MAOA: variants seen among roughly 807,000 people sequenced by gnomAD.
The protein encoded by MAOA is amine oxidase [flavin-containing] A.
MAOA carries 6 observed loss-of-function variants against 42.0 expected under a neutral mutation model. The observed-to-expected ratio is 0.14, with a 90% CI of 0.08 to 0.28. The LOEUF (loss-of-function observed/expected upper bound fraction) is 0.28. MAOA is among the 10% of genes least tolerant of loss of function. The pLI is 1.00. For missense variants in MAOA, 262 were observed against 422.3 expected (o/e 0.62, Z 3.33); for synonymous variants, 140 against 154.0 (o/e 0.91, Z 0.67).
At chrX:43,691,526 A>G (rs1184745775) in intron 2 of MAOA, among the ~76,000 whole-genome samples, 1 of 112,343 alleles carries the variant, frequency 8.9e-6, no homozygotes, top group Non-Finnish European at 1.9e-5. Context: ...AATATAATTC[A>G]TCAAAGTTAA....
intron 3 of MAOA, among the ~76,000 whole-genome samples, chrX:43,709,639 A>AT (rs1297346719): frequency 9.0e-6 from 1 of 111,466 alleles, no homozygotes; most frequent in African/African-American, 3.3e-5. Flanking sequence ...GAAAATGTAG[A>AT]TTTTTCCAGA....
chrX:43,715,707 G>C (rs752859884), intron 5 of MAOA, among the ~76,000 whole-genome samples: 1 of 110,791 alleles, frequency 9.0e-6, no homozygotes, highest in East Asian at 2.9e-4. Flanking sequence ...GAGTTACCCT[G>C]GTGGTGTTTT....
intron 2 of MAOA, among the ~76,000 whole-genome samples, chrX:43,685,985 C>T (rs73633019): frequency 0.016 from 1,794 of 111,912 alleles, 31 homozygotes; most frequent in African/African-American, 0.056. Flanking sequence ...GTTTTCTCAT[C>T]TGAGTAATAA....
intron 9 of MAOA, 101 bp downstream of exon 9, chrX:43,732,896 T>C: frequency 1.7e-6 from 1 of 574,857 alleles, no homozygotes; most frequent in Non-Finnish European, 3.1e-6. Flanking sequence ...CAAGCAATGA[T>C]GAATAATGCT....
intron 10 of MAOA, 23 bp from the exon 11 acceptor site, chrX:43,740,658 T>A (rs1425532601): frequency 8.6e-7 from 1 of 1,163,931 alleles, no homozygotes; most frequent in African/African-American, 1.8e-5. Flanking sequence ...TTATTTTTTT[T>A]TTTTTTTGGC....
chrX:43,660,950 GT>G (rs1344793858), intron 1 of MAOA, among the ~76,000 whole-genome samples: 2 of 112,095 alleles, frequency 1.8e-5, no homozygotes, highest in Non-Finnish European at 3.8e-5. Flanking sequence ...AGGGGACAAT[GT>G]ATACTTCCTT....
chrX:43,724,640 T>A (rs1268421612), intron 5 of MAOA, among the ~76,000 whole-genome samples: 1 of 111,394 alleles, frequency 9.0e-6, no homozygotes, highest in East Asian at 2.8e-4. Context: ...GATTCACTGA[T>A]ATTTTTGAAG....
intron 10 of MAOA, among the ~76,000 whole-genome samples, chrX:43,738,662 A>C (rs1203888457): frequency 9.0e-6 from 1 of 110,743 alleles, no homozygotes; most frequent in Non-Finnish European, 1.9e-5. Context: ...CCACAAAAAA[A>C]TAAAAAAATT....
chrX:43,690,260 A>C (rs2033521921), intron 2 of MAOA, among the ~76,000 whole-genome samples: 1 of 109,630 alleles, frequency 9.1e-6, no homozygotes, highest in Admixed American at 1.0e-4. Flanking sequence ...CATTCTAGAT[A>C]ATTTATTCAG....
At chrX:43,693,899 TA>T (rs1191020975) in intron 3 of MAOA, among the ~76,000 whole-genome samples, 4 of 111,894 alleles carry the variant, frequency 3.6e-5, no homozygotes, top group African/African-American at 1.3e-4. Context: ...GCCACTTCTT[TA>T]GCCTTTGAAC....
intron 2 of MAOA, among the ~76,000 whole-genome samples, chrX:43,691,602 A>G (rs952962875): frequency 1.8e-5 from 2 of 111,624 alleles, no homozygotes; most frequent in African/African-American, 6.5e-5. Flanking sequence ...TTAAATGTCT[A>G]GTTTAAGATT....
At chrX:43,731,598 T>A in intron 7 of MAOA, 96 bp from the exon 8 acceptor site, 1 of 950,962 alleles carries the variant, frequency 1.1e-6, no homozygotes, top group Non-Finnish European at 1.5e-6. Flanking sequence ...TTTTTACTGC[T>A]CAATGTTGTT....
intron 1 of MAOA, among the ~76,000 whole-genome samples, chrX:43,674,026 G>A (rs1281186426): frequency 2.3e-3 from 195 of 83,208 alleles, no homozygotes; most frequent in Admixed American, 4.4e-3. Context: ...TTGTTGATCT[G>A]TCTAATGTTG....
At chrX:43,689,672 A>G (rs759741652) in intron 2 of MAOA, among the ~76,000 whole-genome samples, 87 of 111,725 alleles carry the variant, frequency 7.8e-4, no homozygotes, top group African/African-American at 2.7e-3. Context: ...ATTTTATTCT[A>G]TTGTTGATGT....
At chrX:43,734,200 A>G (rs763398993) in intron 9 of MAOA, among the ~76,000 whole-genome samples, 2 of 105,746 alleles carry the variant, frequency 1.9e-5, no homozygotes, top group South Asian at 8.7e-4. Context: ...TAAATAGTAT[A>G]AAAGGAAAAT....
rs1198759124 is a variant in MAOA, at chrX:43,746,100, G to C, written c.*1587G>C. The C allele has an allele frequency of 8.9e-6, 1 of 111,822 alleles. No individual in the cohort carries two copies. Among genetic ancestry groups the C allele is most frequent in the Non-Finnish European group, 1.9e-5 (1 of 53,189 alleles). The allele number at this position is 111,822 out of a possible 1,213,427, so 9.2% of individuals were successfully genotyped here. ...CGCATATTATATCAGACTGCTTTGA[G>C]AAATCTCATCCCTAGTCTATTGCAG... On this transcript the variant is annotated 3_prime_UTR_variant, in exon 15 of 15. Transcript: ENST00000338702.
rs1334220247 is a variant in MAOA at position 43,745,538 on chromosome X, C to T, written c.*1025C>T. On this transcript the variant is annotated 3_prime_UTR_variant, in exon 15 of 15. Coordinates refer to ENST00000338702, the MANE Select transcript of MAOA (RefSeq NM_000240.4). Reference sequence around the variant, plus strand: ...AAATATTAGCAAAGCATGCCAATTTCTCTTAAGTACTGAAATACATATGAT... The same window carrying T: ...AAATATTAGCAAAGCATGCCAATTTTTCTTAAGTACTGAAATACATATGAT... The T allele has an allele frequency of 8.9e-6, 1 of 112,127 alleles. No homozygotes were observed. The highest frequency in any genetic ancestry group is 1.9e-5 in the Non-Finnish European group (1 of 53,277). 9.2% of individuals were successfully genotyped at this position (112,127 alleles called of 1,213,427 possible).
At chrX:43,695,102 C>A (rs1264862757) in intron 3 of MAOA, among the ~76,000 whole-genome samples, 1 of 111,809 alleles carries the variant, frequency 8.9e-6, no homozygotes, top group East Asian at 2.8e-4. Flanking sequence ...GTCTACCTAA[C>A]CCCTGAGTGC....
chrX:43,692,617 A>T (rs944571789), intron 2 of MAOA, among the ~76,000 whole-genome samples: 1 of 100,010 alleles, frequency 1.0e-5, no homozygotes, highest in Non-Finnish European at 2.0e-5. Flanking sequence ...TTTATTTATT[A>T]AAAAAAAAAA....
Sources: gnomAD v4.1 joint callset for allele counts (sites outside exome capture counted in the v4.1 genomes callset) on GRCh38, gnomAD v4.1.1 for gene constraint, MANE v1.5 for transcripts, NCBI Gene and HGNC (gene_info 2026-07-23, HGNC 2026-07-21) for gene names.